The following ERP44 variants were observed in gnomAD, a reference collection of about 807,000 sequenced individuals.
The protein encoded by ERP44 is endoplasmic reticulum resident protein 44.
In ERP44, 25 loss-of-function variants were observed where a neutral mutation model predicts 53.4. That is an observed-to-expected ratio of 0.47 (90% CI 0.34 to 0.65). ERP44 has a LOEUF of 0.65. ERP44 is among the 30% of genes least tolerant of loss of function. The pLI is 0.01. For synonymous variants in ERP44, 145 were observed against 161.2 expected, an observed-to-expected ratio of 0.90 and a Z score of 0.76; for missense variants, 338 against 493.2, an observed-to-expected ratio of 0.69 and a Z score of 2.98.
intron 10 of ERP44, among the ~76,000 whole-genome samples, chr9:99,990,809 G>C (rs1468331877): frequency 6.6e-6 from 1 of 152,110 alleles, no homozygotes; most frequent in Non-Finnish European, 1.5e-5. Flanking sequence ...AAAATAAAGG[G>C]ATGGAGGAAG....
chr9:100,091,444 A>G (rs1348553699), intron 1 of ERP44, among the ~76,000 whole-genome samples: 1 of 152,224 alleles, frequency 6.6e-6, no homozygotes, highest in Non-Finnish European at 1.5e-5. Flanking sequence ...AGTTGATAAC[A>G]AACTGTTTTA....
intron 4 of ERP44, among the ~76,000 whole-genome samples, chr9:100,037,549 C>A (rs1317197089): frequency 2.6e-5 from 4 of 152,116 alleles, no homozygotes; most frequent in Admixed American, 2.6e-4. Flanking sequence ...CTCCGTTAAC[C>A]CCAGACTGCA....
chr9:100,011,611 A>C (rs1830477335), intron 8 of ERP44, among the ~76,000 whole-genome samples: 1 of 152,186 alleles, frequency 6.6e-6, no homozygotes, highest in Non-Finnish European at 1.5e-5. Flanking sequence ...ACATAATTAA[A>C]GATAGAAAGA....
chr9:100,028,808 T>TA (rs1047957119), intron 4 of ERP44, among the ~76,000 whole-genome samples: 2 of 151,942 alleles, frequency 1.3e-5, no homozygotes, highest in East Asian at 1.9e-4. Context: ...CAATACTGTG[T>TA]AAAAAAACAA....
At chr9:100,006,366 C>A (rs1026327980) in intron 10 of ERP44, 140 bp downstream of exon 10, 9 of 614,126 alleles carry the variant, frequency 1.5e-5, no homozygotes, top group Non-Finnish European at 2.5e-5. Flanking sequence ...AAAAAAGCAG[C>A]AGTCACCCAA....
rs1052591205 is a variant in ERP44, at chr9:99,981,741, A to G, written c.*871T>C. The G allele has an allele frequency of 6.6e-6, 1 of 152,090 alleles. No individual in the cohort carries two copies. Among genetic ancestry groups the G allele is most frequent in the Non-Finnish European group, 1.5e-5 (1 of 68,018 alleles). 9.4% of individuals were successfully genotyped at this position (152,090 alleles called of 1,614,324 possible). A position where few individuals can be genotyped will look rare whatever the true frequency, so the allele number is the denominator to read the frequency against. ...TTTTGATTTATACAACTATAACAAG[A>G]CTCTACAAGACAGAAGGAGCTTAAA... is the stretch of plus-strand genomic sequence containing the variant. On this transcript the variant is annotated 3_prime_UTR_variant, in exon 12 of 12. Transcript: ENST00000262455.
At chr9:100,089,534 T>C (rs1587986954) in intron 1 of ERP44, among the ~76,000 whole-genome samples, 1 of 126,980 alleles carries the variant, frequency 7.9e-6, no homozygotes, top group East Asian at 2.3e-4. Flanking sequence ...TGAACCAATA[T>C]CACGCCACCG....
rs1826694416 is a variant in ERP44, at chr9:100,098,703, C to A, written c.57+81G>T. ...GCAGGAAAAGACGGAAAAGCAGGGG[C>A]AGGAGTAGCAGTGTTCCCCCTGGGC... is the stretch of plus-strand genomic sequence containing the variant. On this transcript the variant is annotated intron_variant, in intron 1 of 11. Transcript: ENST00000262455. The A allele has an allele frequency of 2.6e-6, 3 of 1,140,198 alleles. No homozygotes were observed. The East Asian group carries it at 7.2e-5, about 27-fold the overall frequency. The allele number at this position is 1,140,198 out of a possible 1,614,324, so 70.6% of individuals were successfully genotyped here. A position where few individuals can be genotyped will look rare whatever the true frequency, so the allele number is the denominator to read the frequency against.
At chr9:100,062,597 G>A (rs1009581198) in intron 1 of ERP44, among the ~76,000 whole-genome samples, 4 of 152,058 alleles carry the variant, frequency 2.6e-5, no homozygotes, top group South Asian at 2.1e-4. Flanking sequence ...AAATGCATAC[G>A]GCATGGTGTG....
chr9:100,022,187 G>A lies in ERP44; in HGVS notation c.326C>T (p.Thr109Ile), dbSNP rs1447355269. The A allele has an allele frequency of 2.5e-6, 4 of 1,613,516 alleles. No individual in the cohort carries two copies. Among genetic ancestry groups the A allele is most frequent in the Admixed American group, 1.7e-5 (1 of 59,948 alleles). ...CATCCCATTACGAAACAATTTGAGG[G>A]TTGGGTATTTGCTTATCCTGTATCT... The part of the protein sequence containing the change: ...AQRYRISKYP[T>I]LKLFRNGMMM... Residue 109 changes from threonine (T) to isoleucine (I), a missense_variant, in exon 5 of 12, where the codon ACC becomes ATC. By Grantham distance (89) the Thr-to-Ile change is moderately conservative. Transcript: ENST00000262455.
In ERP44 at chr9:100,095,395, A is replaced by G. The variant is rs548185930; in HGVS notation, c.57+3389T>C. The stretch of plus-strand genomic sequence containing the variant: ...AGTTTTATAAGTGACATATGAACCA[A>G]TTGGAATAGATGGACTTTATATAGC... On this transcript the variant is annotated intron_variant, in intron 1 of 11. Transcript: ENST00000262455. 7.9e-5 allele frequency among the ~76,000 whole-genome samples: 12 copies of G among 152,294 alleles called. No homozygotes were observed. In the South Asian group the frequency reaches 2.5e-3, roughly 32 times the overall value.
intron 1 of ERP44, among the ~76,000 whole-genome samples, chr9:100,089,140 T>C (rs1826520041): frequency 6.6e-6 from 1 of 152,220 alleles, no homozygotes; most frequent in African/African-American, 2.4e-5. Flanking sequence ...TGAATCATCC[T>C]TTTGTCCAGC....
chr9:100,080,659 T>C (rs7018981), intron 1 of ERP44, among the ~76,000 whole-genome samples: 69,277 of 152,006 alleles, frequency 0.46, 17,267 homozygotes, highest in East Asian at 0.9. Context: ...CAGGGAGCAC[T>C]GCATGGGTTG....
At chr9:100,085,933 G>A (rs1529193) in intron 1 of ERP44, among the ~76,000 whole-genome samples, 102,411 of 152,050 alleles carry the variant, frequency 0.67, 35,624 homozygotes, top group East Asian at 0.91. Context: ...ACACTTAAAC[G>A]GAATTTTTAT....
At chr9:100,058,108 C>T (rs565813699) in intron 2 of ERP44, among the ~76,000 whole-genome samples, 1 of 152,292 alleles carries the variant, frequency 6.6e-6, no homozygotes, top group South Asian at 2.1e-4. Flanking sequence ...CTGGGTCTCA[C>T]TCTATTGCCC....
intron 1 of ERP44, among the ~76,000 whole-genome samples, chr9:100,095,598 T>C (rs1056162790): frequency 6.6e-6 from 1 of 152,168 alleles, no homozygotes; most frequent in Non-Finnish European, 1.5e-5. Flanking sequence ...CTTTAGTATG[T>C]CACCTGGGAA....
chr9:100,092,521 G>A (rs569776922), intron 1 of ERP44, among the ~76,000 whole-genome samples: 7 of 152,268 alleles, frequency 4.6e-5, no homozygotes, highest in South Asian at 4.1e-4. Context: ...TGGAAGAGTC[G>A]GAACTTACAT....
intron 1 of ERP44, among the ~76,000 whole-genome samples, chr9:100,071,227 T>C (rs1459131718): frequency 6.6e-6 from 1 of 151,448 alleles, no homozygotes; most frequent in African/African-American, 2.4e-5. Context: ...CCCAAGTAGC[T>C]GGGACTACAG....
chr9:100,064,655 T>C (rs753609804), intron 1 of ERP44, among the ~76,000 whole-genome samples: 16 of 152,148 alleles, frequency 1.1e-4, no homozygotes, highest in Non-Finnish European at 1.0e-4. Context: ...ACAGTCACAC[T>C]GCATAAAAAT....
Sources: gnomAD v4.1 joint callset for allele counts (sites outside exome capture counted in the v4.1 genomes callset) on GRCh38, gnomAD v4.1.1 for gene constraint, MANE v1.5 for transcripts, NCBI Gene and HGNC (gene_info 2026-07-23, HGNC 2026-07-21) for gene names.